The following ART3 variants were observed in gnomAD, a reference collection of about 807,000 sequenced individuals.
ART3 encodes the protein ecto-ADP-ribosyltransferase 3.
In ART3, 49 loss-of-function variants were observed where a neutral mutation model predicts 48.5. The observed-to-expected ratio is 1.01, with a 90% CI of 0.80 to 1.28. ART3 has a LOEUF of 1.28. ART3 is among the 50% of genes most tolerant of loss of function. ART3 has a pLI of 0.00. For missense variants in ART3, 438 were observed against 454.3 expected (o/e 0.96, Z 0.33); for synonymous variants, 145 against 157.2 (o/e 0.92, Z 0.58).
chr4:76,023,538 C>T, intron 1 of ART3: 1 of 969,348 alleles, frequency 1.0e-6, no homozygotes, highest in African/African-American at 1.6e-5. Flanking sequence ...TCTGCAAAGC[C>T]ATTTTCCCTC....
chr4:76,087,289 A>T (rs17001359), intron 3 of ART3, among the ~76,000 whole-genome samples: 1,849 of 152,274 alleles, frequency 0.012, 42 homozygotes, highest in African/African-American at 0.042. Flanking sequence ...GCGCACGTGT[A>T]CCATGTGTTT....
rs755947087 is a variant in ART3 at position 76,036,015 on chromosome 4, C to CT, written c.-10+24696dup. 65 of 1,605,122 alleles carry CT rather than the reference C, an allele frequency of 4.0e-5. No homozygotes were observed. The South Asian group carries it at 5.9e-4, about 15-fold the overall frequency. ...TTGTTTTTTGCTGTTGCTGCTGGTG[C>CT]TGCTGCTGCTACTTCAGCTTTGCTG... On this transcript the variant is annotated intron_variant, in intron 1 of 9. Transcript: ENST00000341029.
intron 2 of ART3, among the ~76,000 whole-genome samples, chr4:76,076,422 G>A (rs1721099402): frequency 6.6e-6 from 1 of 152,138 alleles, no homozygotes; most frequent in Non-Finnish European, 1.5e-5. Flanking sequence ...TTAAATATGT[G>A]ACAGATTAAC....
intron 1 of ART3, among the ~76,000 whole-genome samples, chr4:76,011,561 C>G (rs1016977911): frequency 1.3e-5 from 2 of 152,218 alleles, no homozygotes; most frequent in Non-Finnish European, 2.9e-5. Flanking sequence ...GCTTCAGTGA[C>G]TGGGAAAGAG....
chr4:76,038,503 A>G (rs567063517), intron 1 of ART3, among the ~76,000 whole-genome samples: 34 of 152,204 alleles, frequency 2.2e-4, no homozygotes, highest in Non-Finnish European at 4.9e-4. Context: ...TTCATTTAAC[A>G]TATGTAAAGA....
intron 1 of ART3, among the ~76,000 whole-genome samples, chr4:76,014,475 A>G (rs1343056346): frequency 6.6e-6 from 1 of 152,198 alleles, no homozygotes; most frequent in African/African-American, 2.4e-5. Flanking sequence ...ATCTGAAGAT[A>G]GGACAATTGA....
chr4:76,015,694 A>G (rs1578185368), intron 1 of ART3, among the ~76,000 whole-genome samples: 1 of 152,302 alleles, frequency 6.6e-6, no homozygotes, highest in Middle Eastern at 3.4e-3. Flanking sequence ...GTGCAGTGGC[A>G]TGATTATGGT....
At chr4:76,014,251 T>A (rs1732059756) in intron 1 of ART3, among the ~76,000 whole-genome samples, 1 of 151,806 alleles carries the variant, frequency 6.6e-6, no homozygotes, top group Non-Finnish European at 1.5e-5. Context: ...AGATATTAAA[T>A]CAGCTGTCTT....
At chr4:76,034,922 C>A (rs921361451) in intron 1 of ART3, 10 of 1,354,346 alleles carry the variant, frequency 7.4e-6, no homozygotes, top group Non-Finnish European at 1.0e-5. Context: ...CCAAGGACCC[C>A]TTAACAGAAT....
rs774958819 is a variant in ART3 at position 76,100,332 on chromosome 4, T to C, written c.877+12T>C. ...GCTTGAAGACCATAGTAAGACATTTTTATAAATTCTGGGGGCTTGGCCAGG... is the reference window on the plus strand; with the variant it reads ...GCTTGAAGACCATAGTAAGACATTTCTATAAATTCTGGGGGCTTGGCCAGG... On this transcript the variant is annotated intron_variant, in intron 6 of 11. Coordinates refer to ENST00000355810, the MANE Select transcript of ART3 (RefSeq NM_001130016.3). The C allele has an allele frequency of 3.2e-5, 52 of 1,610,658 alleles. No individual in the cohort carries two copies. Among genetic ancestry groups the C allele is most frequent in the Non-Finnish European group, 4.3e-5 (51 of 1,177,924 alleles).
Position 76,112,610 on chromosome 4 carries a change from T to A in ART3, c.*91T>A. On this transcript the variant is annotated 3_prime_UTR_variant, in exon 12 of 12. Transcript: ENST00000355810. ...AAAGGAATGATGTATTTTTTACGTGTTGGCCAAAGTCACTGGATAAAATGA... is the reference window on the plus strand; with the variant it reads ...AAAGGAATGATGTATTTTTTACGTGATGGCCAAAGTCACTGGATAAAATGA... The A allele has an allele frequency of 7.3e-7, 1 of 1,373,078 alleles. No homozygotes were observed. The highest frequency in any genetic ancestry group is 9.7e-7 in the Non-Finnish European group (1 of 1,026,252). 85.1% of individuals were successfully genotyped at this position (1,373,078 alleles called of 1,614,324 possible). A position where few individuals can be genotyped will look rare whatever the true frequency, so the allele number is the denominator to read the frequency against.
chr4:76,109,320 T>C (rs912859773), intron 11 of ART3, among the ~76,000 whole-genome samples: 1 of 151,964 alleles, frequency 6.6e-6, no homozygotes, highest in African/African-American at 2.4e-5. Flanking sequence ...CTATACAGGG[T>C]CAGGATCATC....
upstream of ART3, among the ~76,000 whole-genome samples, chr4:76,074,156 T>G (rs959879055): frequency 6.6e-6 from 1 of 152,242 alleles, no homozygotes; most frequent in Non-Finnish European, 1.5e-5. Flanking sequence ...CATTACCAAA[T>G]CCTTCCCTCC....
At chr4:76,112,284 C>G in intron 11 of ART3, 102 bp from the exon 12 acceptor site, 1 of 1,390,112 alleles carries the variant, frequency 7.2e-7, no homozygotes, top group East Asian at 2.5e-5. Context: ...GTTTCTACTT[C>G]AACTTTAGTG....
intron 1 of ART3, among the ~76,000 whole-genome samples, chr4:76,041,643 G>T (rs1734985032): frequency 6.6e-6 from 1 of 151,904 alleles, no homozygotes. Context: ...TAATCAATGT[G>T]GATATAAAAA....
chr4:76,081,237 T>G (rs1405335714), intron 2 of ART3, among the ~76,000 whole-genome samples: 1 of 152,178 alleles, frequency 6.6e-6, no homozygotes, highest in Non-Finnish European at 1.5e-5. Flanking sequence ...GCCAATATTA[T>G]CCTTAGAGCT....
chr4:76,018,760 G>C (rs767453133), intron 1 of ART3, among the ~76,000 whole-genome samples: 21 of 152,214 alleles, frequency 1.4e-4, no homozygotes, highest in Middle Eastern at 3.4e-3. Flanking sequence ...GAGCATGGTG[G>C]CTCATGCCTA....
chr4:76,064,758 A>T (rs908894729), intron 1 of ART3, among the ~76,000 whole-genome samples: 9 of 152,122 alleles, frequency 5.9e-5, no homozygotes, highest in Non-Finnish European at 1.0e-4. Flanking sequence ...TTGAAAGTGG[A>T]TGCTTTAAAA....
At chr4:76,106,371 C>T (rs1728471841) in intron 10 of ART3, 4 of 984,822 alleles carry the variant, frequency 4.1e-6, no homozygotes, top group Non-Finnish European at 4.8e-6. Context: ...GTAAGAAACA[C>T]GAAAAGGTGG....
Sources: gnomAD v4.1 joint callset for allele counts (sites outside exome capture counted in the v4.1 genomes callset) on GRCh38, gnomAD v4.1.1 for gene constraint, MANE v1.5 for transcripts, NCBI Gene and HGNC (gene_info 2026-07-23, HGNC 2026-07-21) for gene names.